Variants in PRKN observed in about 807,000 individuals in gnomAD.
The protein encoded by PRKN is E3 ubiquitin-protein ligase parkin.
PRKN carries 56 observed loss-of-function variants against 59.5 expected under a neutral mutation model. The observed-to-expected ratio is 0.94, with a 90% CI of 0.76 to 1.18. The LOEUF is 1.18. PRKN is among the 50% of genes most tolerant of loss of function. The pLI, the probability that PRKN is intolerant of heterozygous loss-of-function variation, is 0.00. For synonymous variants in PRKN, 250 were observed against 222.1 expected (o/e 1.13, Z -1.12); for missense variants, 657 against 596.4 (o/e 1.10, Z -1.06).
intron 7 of PRKN, among the ~76,000 whole-genome samples, chr6:161,730,354 T>C (rs1787637004): frequency 6.6e-6 from 1 of 151,160 alleles, no homozygotes; most frequent in Non-Finnish European, 1.5e-5. Flanking sequence ...TTCTTTCTGA[T>C]ATGTTGCATT....
chr6:162,315,658 G>C (rs1296297013), intron 2 of PRKN, among the ~76,000 whole-genome samples: 3 of 152,056 alleles, frequency 2.0e-5, no homozygotes, highest in Admixed American at 1.3e-4. Context: ...CCACAAAAAA[G>C]GTAGCCAACG....
chr6:162,363,485 C>T (rs1318205728), intron 2 of PRKN, among the ~76,000 whole-genome samples: 6 of 152,078 alleles, frequency 3.9e-5, no homozygotes, highest in Non-Finnish European at 7.4e-5. Context: ...TTTATTCTTC[C>T]ATACTTAATC....
chr6:161,390,253 C>A lies in PRKN; in HGVS notation c.1084-3376G>T, dbSNP rs754727625. Among the ~76,000 whole-genome samples the A allele has an allele frequency of 2.4e-4, 36 of 152,138 alleles. No homozygotes were observed. The highest frequency in any genetic ancestry group is 8.4e-4 in the African/African-American group (35 of 41,424). On this transcript the variant is annotated intron_variant, in intron 9 of 11. Coordinates refer to ENST00000366898, the MANE Select transcript of PRKN (RefSeq NM_004562.3). The surrounding 1 kb of genome is among the most constrained non-coding windows in gnomAD (Gnocchi z 7.0). The stretch of plus-strand genomic sequence containing the variant: ...TCACACTACGCACCAGAGTGCCCTG[C>A]GGTACTGTAACAAACTCACAGGGGT...
At chr6:162,683,592 T>G (rs1029455196) in intron 1 of PRKN, among the ~76,000 whole-genome samples, 1 of 152,158 alleles carries the variant, frequency 6.6e-6, no homozygotes, top group African/African-American at 2.4e-5. Flanking sequence ...TTCCTGGGGA[T>G]GTTATTTTGG....
intron 3 of PRKN, among the ~76,000 whole-genome samples, chr6:162,220,889 TC>T (rs1426461090): frequency 6.6e-6 from 1 of 152,204 alleles, no homozygotes; most frequent in African/African-American, 2.4e-5. Context: ...ACGTTACAAT[TC>T]ATCCTTTCAC....
chr6:162,226,283 G>GAC (rs1024226361), intron 3 of PRKN, among the ~76,000 whole-genome samples: 1 of 151,720 alleles, frequency 6.6e-6, no homozygotes, highest in African/African-American at 2.4e-5. Context: ...GAGAGAGAGA[G>GAC]AGAGACACGC....
chr6:162,305,452 T>A (rs1219349426), intron 2 of PRKN, among the ~76,000 whole-genome samples: 4 of 152,184 alleles, frequency 2.6e-5, no homozygotes, highest in South Asian at 4.1e-4. Flanking sequence ...ATGTTTCTGA[T>A]CTTTTCTCAA....
At chr6:162,721,765 T>C (rs921405533) in intron 1 of PRKN, among the ~76,000 whole-genome samples, 1 of 152,192 alleles carries the variant, frequency 6.6e-6, no homozygotes, top group Non-Finnish European at 1.5e-5. Flanking sequence ...GTTACTAAAA[T>C]GTTGGCTGAC....
chr6:162,647,948 G>A (rs2846521), intron 1 of PRKN, among the ~76,000 whole-genome samples: 61,921 of 95,192 alleles, frequency 0.65, 18,388 homozygotes, highest in African/African-American at 0.74. Context: ...TGTCCACAGT[G>A]CAAAAAAAAA....
At chr6:162,219,168 G>T (rs1016633378) in intron 3 of PRKN, among the ~76,000 whole-genome samples, 11 of 152,120 alleles carry the variant, frequency 7.2e-5, no homozygotes, top group Admixed American at 6.6e-5. Context: ...TCCAGCCTGG[G>T]TAACAGAGAG....
Position 161,886,595 on chromosome 6 carries a change from G to C in PRKN, c.734+86707C>G, listed in dbSNP as rs751677174. On this transcript the variant is annotated intron_variant, in intron 6 of 11. Coordinates refer to ENST00000366898, the MANE Select transcript of PRKN (RefSeq NM_004562.3). Reference sequence around the variant, plus strand: ...CCTATAATCCCAGCTACTCAGGAAGGCTGAGGCAGGAGAATCACTTGAACC... The same window carrying C: ...CCTATAATCCCAGCTACTCAGGAAGCCTGAGGCAGGAGAATCACTTGAACC... 1.1e-4 allele frequency among the ~76,000 whole-genome samples: 17 copies of C among 152,096 alleles called. 1 individual carries two copies. Among genetic ancestry groups the C allele is most frequent in the Non-Finnish European group, 2.2e-4 (15 of 68,016 alleles).
chr6:162,514,790 G>A (rs1415967965), intron 1 of PRKN, among the ~76,000 whole-genome samples: 1 of 152,018 alleles, frequency 6.6e-6, no homozygotes, highest in Non-Finnish European at 1.5e-5. Context: ...AAACTTTTCA[G>A]TCCTGATGAC....
At chr6:162,514,556 G>A (rs1777765928) in intron 1 of PRKN, among the ~76,000 whole-genome samples, 1 of 152,166 alleles carries the variant, frequency 6.6e-6, no homozygotes, top group Admixed American at 6.5e-5. Flanking sequence ...AAGTCTGGCC[G>A]TGATGGCTCA....
At chr6:162,074,761 T>A (rs1284157716) in intron 4 of PRKN, among the ~76,000 whole-genome samples, 6 of 152,182 alleles carry the variant, frequency 3.9e-5, no homozygotes, top group Non-Finnish European at 8.8e-5. Flanking sequence ...AGTCCCTCCA[T>A]GCAGGGTGTA....
chr6:162,619,922 G>A (rs968226898), intron 1 of PRKN, among the ~76,000 whole-genome samples: 11 of 151,978 alleles, frequency 7.2e-5, no homozygotes, highest in Non-Finnish European at 1.3e-4. Flanking sequence ...GTTAATGAGG[G>A]TATCTTCTCT....
At chr6:161,783,960 T>A (rs1417748593) in intron 7 of PRKN, among the ~76,000 whole-genome samples, 1 of 152,206 alleles carries the variant, frequency 6.6e-6, no homozygotes, top group Non-Finnish European at 1.5e-5. Context: ...GGAGGTATAT[T>A]TTTCAGCTAT....
intron 2 of PRKN, among the ~76,000 whole-genome samples, chr6:162,425,190 A>G (rs1583552561): frequency 6.6e-6 from 1 of 152,164 alleles, no homozygotes; most frequent in Non-Finnish European, 1.5e-5. Context: ...ACCTTATACT[A>G]TTTATATAGT....
intron 6 of PRKN, among the ~76,000 whole-genome samples, chr6:161,909,847 G>A (rs1444727693): frequency 6.6e-6 from 1 of 152,162 alleles, no homozygotes; most frequent in Non-Finnish European, 1.5e-5. Context: ...ATGACCTAAC[G>A]TTGTGGTTAT....
At chr6:162,692,973 G>A (rs938616441) in intron 1 of PRKN, among the ~76,000 whole-genome samples, 32 of 151,808 alleles carry the variant, frequency 2.1e-4, no homozygotes, top group African/African-American at 5.3e-4. Context: ...AATATCTATC[G>A]AACCCCTTAA....
Sources: allele counts gnomAD v4.1 joint callset (sites outside exome capture counted in the v4.1 genomes callset), GRCh38; gene constraint gnomAD v4.1.1; non-coding constraint Gnocchi (gnomAD v3.1); transcripts MANE v1.5; gene names NCBI Gene and HGNC (gene_info 2026-07-23, HGNC 2026-07-21).